Variants in CPVL observed in about 807,000 individuals in gnomAD.
The protein encoded by CPVL is probable serine carboxypeptidase CPVL.
CPVL carries 51 observed loss-of-function variants against 63.7 expected under a neutral mutation model. That is an observed-to-expected ratio of 0.80 (90% CI 0.64 to 1.01). The LOEUF (loss-of-function observed/expected upper bound fraction) is 1.01. Among genes scored for constraint, CPVL ranks in the 50% least tolerant of loss-of-function variants. The pLI, the probability that CPVL is intolerant of heterozygous loss-of-function variation, is 0.00. For synonymous variants in CPVL, 195 were observed against 206.0 expected (o/e 0.95, Z 0.46); for missense variants, 530 against 573.1 (o/e 0.92, Z 0.77).
At chr7:29,057,974 T>C (rs1454884741) in intron 11 of CPVL, among the ~76,000 whole-genome samples, 1 of 152,198 alleles carries the variant, frequency 6.6e-6, no homozygotes, top group Non-Finnish European at 1.5e-5. Flanking sequence ...TCTGACTTTA[T>C]TCCTCTTGTT....
intron 6 of CPVL, among the ~76,000 whole-genome samples, chr7:29,092,180 CT>C (rs3042208): frequency 0.26 from 35,397 of 137,416 alleles, 7,782 homozygotes; most frequent in African/African-American, 0.6. Context: ...TACATTTTTC[CT>C]TTTTTTTTTT....
rs1315115425 is a variant in CPVL at position 28,995,650 on chromosome 7, T to C, written c.*122A>G. 2 of 670,522 alleles carry C rather than the reference T, an allele frequency of 3.0e-6. No individual in the cohort carries two copies. The highest frequency in any genetic ancestry group is 3.3e-5 in the Admixed American group (1 of 30,332). 41.5% of individuals were successfully genotyped at this position (670,522 alleles called of 1,614,324 possible). A position where few individuals can be genotyped will look rare whatever the true frequency, so the allele number is the denominator to read the frequency against. ...GCTCACTTGTTTCAAGGATAATTTT[T>C]ATTGATGAAAAAAATCTTGCAGATA... On this transcript the variant is annotated 3_prime_UTR_variant, in exon 13 of 13. Coordinates refer to ENST00000265394, the MANE Select transcript of CPVL (RefSeq NM_031311.5).
chr7:29,043,332 A>G (rs139238375), intron 11 of CPVL, among the ~76,000 whole-genome samples: 157 of 151,698 alleles, frequency 1.0e-3, no homozygotes, highest in African/African-American at 3.6e-3. Flanking sequence ...TTTCTGCCCC[A>G]TGCTCTCAAT....
At chr7:29,067,513 G>A (rs1412699915) in intron 9 of CPVL, among the ~76,000 whole-genome samples, 2 of 152,288 alleles carry the variant, frequency 1.3e-5, no homozygotes, top group East Asian at 3.9e-4. Context: ...AAGTGATACA[G>A]ACAAGCTAAG....
intron 12 of CPVL, among the ~76,000 whole-genome samples, chr7:29,023,483 G>C (rs537446110): frequency 6.6e-6 from 1 of 152,104 alleles, no homozygotes; most frequent in Non-Finnish European, 1.5e-5. Context: ...ATGACATGTG[G>C]GGATTATGGG....
intron 3 of CPVL, among the ~76,000 whole-genome samples, chr7:29,110,614 G>A (rs959113189): frequency 1.5e-4 from 23 of 152,266 alleles, no homozygotes; most frequent in Admixed American, 1.2e-3. Flanking sequence ...AAAACATATC[G>A]AGACTCAATA....
At chr7:29,115,542 T>C (rs1788697616) in intron 2 of CPVL, among the ~76,000 whole-genome samples, 1 of 152,034 alleles carries the variant, frequency 6.6e-6, no homozygotes, top group Non-Finnish European at 1.5e-5. Context: ...CAGAGAAAGA[T>C]CACCCCCCAG....
chr7:29,183,312 G>A (rs1372013441), intron 4 of CPVL, among the ~76,000 whole-genome samples: 1 of 151,804 alleles, frequency 6.6e-6, no homozygotes, highest in Non-Finnish European at 1.5e-5. Context: ...TCGAACTCCC[G>A]ATCTCAGGTG....
At chr7:29,102,371 G>T (rs1787230567) in intron 3 of CPVL, among the ~76,000 whole-genome samples, 2 of 152,100 alleles carry the variant, frequency 1.3e-5, no homozygotes, top group Non-Finnish European at 2.9e-5. Context: ...CTAAATAAAT[G>T]AGTGATATGA....
chr7:29,068,623 A>G (rs1295062501), intron 9 of CPVL, among the ~76,000 whole-genome samples: 1 of 151,530 alleles, frequency 6.6e-6, no homozygotes, highest in Non-Finnish European at 1.5e-5. Flanking sequence ...CAATGGAGGC[A>G]TCTGCCTGCC....
chr7:29,046,335 C>T (rs529875100), intron 11 of CPVL, among the ~76,000 whole-genome samples: 12 of 152,100 alleles, frequency 7.9e-5, no homozygotes, highest in African/African-American at 1.7e-4. Flanking sequence ...CTGCCAGCCT[C>T]GGACTCCCAA....
chr7:29,128,788 G>A (rs188441320), intron 1 of CPVL, among the ~76,000 whole-genome samples: 53 of 152,014 alleles, frequency 3.5e-4, no homozygotes, highest in African/African-American at 1.1e-3. Context: ...AAGTGTTTCA[G>A]CTAACAATGA....
chr7:29,086,347 A>G, intron 7 of CPVL, 137 bp downstream of exon 7: 1 of 531,884 alleles, frequency 1.9e-6, no homozygotes, highest in Non-Finnish European at 3.4e-6. Context: ...AGAATTTTGA[A>G]TAAAGGCTGA....
intron 7 of CPVL, among the ~76,000 whole-genome samples, chr7:29,076,376 C>A (rs981668089): frequency 1.3e-5 from 2 of 152,132 alleles, no homozygotes; most frequent in African/African-American, 4.8e-5. Context: ...TAACACTAAC[C>A]TAACATGGGA....
intron 9 of CPVL, among the ~76,000 whole-genome samples, chr7:29,070,623 C>T (rs1388728533): frequency 2.0e-5 from 3 of 152,196 alleles, no homozygotes; most frequent in Non-Finnish European, 4.4e-5. Flanking sequence ...TGAATCCACA[C>T]TTTGCAGCCA....
intron 9 of CPVL, among the ~76,000 whole-genome samples, chr7:29,070,481 C>T (rs1336210363): frequency 1.3e-5 from 2 of 152,218 alleles, no homozygotes; most frequent in Non-Finnish European, 2.9e-5. Flanking sequence ...ACTGAAGTTT[C>T]ACTCCTTCGT....
At position 29,125,653 on chromosome 7, in the gene CPVL, A is replaced by C. The variant is rs548610339; in HGVS notation, c.-10-4582T>G. 7.2e-5 allele frequency among the ~76,000 whole-genome samples: 11 copies of C among 152,096 alleles called. No homozygotes were observed. The South Asian group carries it at 2.3e-3, about 32-fold the overall frequency. Reference sequence around the variant, plus strand: ...GGTGATCCACCCGCCTCGGCCTCCCAAAGTGCTGGGATTACAGGCGTGAGC... The same window carrying C: ...GGTGATCCACCCGCCTCGGCCTCCCCAAGTGCTGGGATTACAGGCGTGAGC... On this transcript the variant is annotated intron_variant, in intron 1 of 12. Transcript: ENST00000265394.
chr7:29,059,952 A>G (rs921635532), intron 11 of CPVL, among the ~76,000 whole-genome samples: 8 of 152,178 alleles, frequency 5.3e-5, no homozygotes, highest in Admixed American at 2.0e-4. Context: ...ACAAATCTAA[A>G]AAGAGTTCTT....
chr7:29,041,990 A>T (rs1172413293), intron 11 of CPVL, among the ~76,000 whole-genome samples: 1 of 152,142 alleles, frequency 6.6e-6, no homozygotes, highest in Non-Finnish European at 1.5e-5. Flanking sequence ...CTTGCATTAT[A>T]TTTCTATTGG....
Sources: gnomAD v4.1 joint callset for allele counts (sites outside exome capture counted in the v4.1 genomes callset) on GRCh38, gnomAD v4.1.1 for gene constraint, MANE v1.5 for transcripts, NCBI Gene and HGNC (gene_info 2026-07-23, HGNC 2026-07-21) for gene names.